The following DLG2 variants were observed in gnomAD, a reference collection of about 807,000 sequenced individuals.
DLG2 encodes discs large MAGUK scaffold protein 2, also known as disks large homolog 2.
Under a neutral mutation model 132.5 loss-of-function variants are expected in DLG2, and 45 were observed. The observed-to-expected ratio is 0.34, with a 90% confidence interval of 0.27 to 0.44. DLG2 has a LOEUF of 0.44. Among genes scored for constraint, DLG2 ranks in the 20% least tolerant of loss-of-function variants. The probability of loss-of-function intolerance (pLI) is 1.00; values close to 1 mark genes in which losing one functional copy is unlikely to be tolerated. For synonymous variants in DLG2, 424 were observed against 419.6 expected (o/e 1.01, Z -0.13); for missense variants, 1,045 against 1,196.9 (o/e 0.87, Z 1.87).
chr11:85,468,116 C>T (rs1208561009), intron 3 of DLG2, among the ~76,000 whole-genome samples: 1 of 152,030 alleles, frequency 6.6e-6, no homozygotes, highest in African/African-American at 2.4e-5. Flanking sequence ...TTATAGTATT[C>T]TCTGATTGTA....
chr11:84,102,843 A>G (rs1413546330), intron 9 of DLG2, among the ~76,000 whole-genome samples: 1 of 152,192 alleles, frequency 6.6e-6, no homozygotes, highest in Non-Finnish European at 1.5e-5. Flanking sequence ...AATAGCTTTG[A>G]TAACAACCTA....
At chr11:84,684,125 C>T (rs2099735967) in intron 6 of DLG2, among the ~76,000 whole-genome samples, 1 of 152,136 alleles carries the variant, frequency 6.6e-6, no homozygotes, top group South Asian at 2.1e-4. Context: ...AGGCATCAGG[C>T]ACAGGATAGA....
chr11:84,111,941 C>T (rs1486478688), intron 9 of DLG2, among the ~76,000 whole-genome samples: 1 of 152,056 alleles, frequency 6.6e-6, no homozygotes, highest in African/African-American at 2.4e-5. Context: ...CCTCTATTTC[C>T]TCATTTTCTA....
intron 6 of DLG2, among the ~76,000 whole-genome samples, chr11:84,840,759 C>A (rs1327150185): frequency 6.6e-6 from 1 of 152,002 alleles, no homozygotes; most frequent in South Asian, 2.1e-4. Context: ...GCAAACACTA[C>A]ATGTTCTCAC....
chr11:85,457,639 G>A (rs1021073421), intron 3 of DLG2, among the ~76,000 whole-genome samples: 3 of 152,108 alleles, frequency 2.0e-5, no homozygotes, highest in Non-Finnish European at 4.4e-5. Flanking sequence ...AAGTCTGGTG[G>A]TAATGAATTC....
At chr11:84,385,461 T>C (rs1225359566) in intron 7 of DLG2, among the ~76,000 whole-genome samples, 1 of 152,164 alleles carries the variant, frequency 6.6e-6, no homozygotes, top group Non-Finnish European at 1.5e-5. Flanking sequence ...ATGATCTCTT[T>C]GATAGTATTT....
chr11:85,596,712 G>A (rs760165206), intron 3 of DLG2, among the ~76,000 whole-genome samples: 3 of 152,100 alleles, frequency 2.0e-5, no homozygotes, highest in East Asian at 1.9e-4. Context: ...ATAACAATGC[G>A]CTATATTTCA....
At chr11:84,899,219 C>G (rs2090583848) in intron 6 of DLG2, among the ~76,000 whole-genome samples, 1 of 151,972 alleles carries the variant, frequency 6.6e-6, no homozygotes, top group African/African-American at 2.4e-5. Flanking sequence ...ATACAAAACC[C>G]CCTCTAGTGT....
At chr11:85,524,915 G>T (rs939993406) in intron 3 of DLG2, 1 of 151,586 alleles carries the variant, frequency 6.6e-6, no homozygotes, top group Non-Finnish European at 1.5e-5. Flanking sequence ...TGAGAGAAAC[G>T]TCTGGTATGA....
intron 8 of DLG2, among the ~76,000 whole-genome samples, chr11:84,204,863 G>C (rs2096645302): frequency 6.6e-6 from 1 of 151,996 alleles, no homozygotes; most frequent in South Asian, 2.1e-4. Flanking sequence ...CACCACACTT[G>C]GCTATTTTTT....
At chr11:85,421,193 C>T (rs2090279013) in intron 3 of DLG2, among the ~76,000 whole-genome samples, 1 of 151,996 alleles carries the variant, frequency 6.6e-6, no homozygotes, top group Non-Finnish European at 1.5e-5. Context: ...GGCACAGTTC[C>T]TCACAGCTTC....
chr11:84,703,434 A>G (rs561195708), intron 6 of DLG2, among the ~76,000 whole-genome samples: 3 of 151,650 alleles, frequency 2.0e-5, no homozygotes, highest in African/African-American at 7.2e-5. Flanking sequence ...CTACCAAGAT[A>G]AGCAGTGGGT....
At chr11:84,525,444 A>G (rs1591554274) in intron 7 of DLG2, among the ~76,000 whole-genome samples, 1 of 151,754 alleles carries the variant, frequency 6.6e-6, no homozygotes, top group African/African-American at 2.4e-5. Flanking sequence ...TCTCTTTTCT[A>G]CCTTCTATAT....
intron 14 of DLG2, among the ~76,000 whole-genome samples, chr11:83,952,237 T>C (rs754979628): frequency 1.3e-5 from 2 of 152,006 alleles, no homozygotes; most frequent in Non-Finnish European, 1.5e-5. Flanking sequence ...TCCCAACTAC[T>C]TGGAAGGCTG....
At chr11:84,515,515 G>A (rs1357798870) in intron 7 of DLG2, among the ~76,000 whole-genome samples, 1 of 151,770 alleles carries the variant, frequency 6.6e-6, no homozygotes, top group African/African-American at 2.4e-5. Context: ...ATGATAAGGG[G>A]TTCAATTCAG....
chr11:85,242,698 C>T (rs1251895978), intron 4 of DLG2, among the ~76,000 whole-genome samples: 1 of 151,502 alleles, frequency 6.6e-6, no homozygotes, highest in East Asian at 1.9e-4. Context: ...AAATAATTGG[C>T]TTTTTATACT....
chr11:85,541,530 T>C (rs1342888688), intron 3 of DLG2, among the ~76,000 whole-genome samples: 1 of 151,426 alleles, frequency 6.6e-6, no homozygotes, highest in Non-Finnish European at 1.5e-5. Flanking sequence ...TAATGGGCCC[T>C]ATATGAAAGT....
At chr11:83,621,753 C>A (rs2061667154) in intron 19 of DLG2, among the ~76,000 whole-genome samples, 1 of 152,140 alleles carries the variant, frequency 6.6e-6, no homozygotes, top group Non-Finnish European at 1.5e-5. Flanking sequence ...CTTACCTCTA[C>A]TATACTACAT....
intron 21 of DLG2, among the ~76,000 whole-genome samples, chr11:83,514,540 G>T (rs994689627): frequency 2.0e-5 from 3 of 152,058 alleles, no homozygotes; most frequent in Non-Finnish European, 4.4e-5. Flanking sequence ...CTGCCTGATT[G>T]CCCTGGCCAG....
Sources: allele counts gnomAD v4.1 joint callset (sites outside exome capture counted in the v4.1 genomes callset), GRCh38; gene constraint gnomAD v4.1.1; transcripts MANE v1.5; gene names NCBI Gene and HGNC (gene_info 2026-07-23, HGNC 2026-07-21).